The following RSL24D1 variants were observed in gnomAD, a reference collection of about 807,000 sequenced individuals.
The protein encoded by RSL24D1 is probable ribosome biogenesis protein RLP24.
In RSL24D1, 6 loss-of-function variants were observed where a neutral mutation model predicts 26.2. The observed-to-expected ratio is 0.23, with a 90% CI of 0.13 to 0.45. RSL24D1 has a LOEUF of 0.45. Among genes scored for constraint, RSL24D1 ranks in the 20% least tolerant of loss-of-function variants. The pLI is 0.99. For missense variants in RSL24D1, 176 were observed against 202.6 expected (o/e 0.87, Z 0.80); for synonymous variants, 61 against 59.1 (o/e 1.03, Z -0.15).
intron 5 of RSL24D1, 118 bp downstream of exon 5, chr15:55,183,197 G>C: frequency 2.9e-6 from 2 of 684,102 alleles, no homozygotes; most frequent in Non-Finnish European, 2.4e-6. Flanking sequence ...ATTTTTATAG[G>C]CCAAATCATA....
Position 55,182,125 on chromosome 15 carries a change from A to G in RSL24D1, c.*27T>C. ...GTATCCAAAGGGCATTTTCAAATGT[A>G]CATAAAAGAAATGGTTACAGAGATT... On this transcript the variant is annotated 3_prime_UTR_variant, in exon 6 of 6. Coordinates refer to ENST00000260443, the MANE Select transcript of RSL24D1 (RefSeq NM_016304.3). 2 of 1,402,398 alleles carry G rather than the reference A, an allele frequency of 1.4e-6. No homozygotes were observed. The highest frequency in any genetic ancestry group is 2.3e-5 in the South Asian group (2 of 85,168). The allele number at this position is 1,402,398 out of a possible 1,614,324, so 86.9% of individuals were successfully genotyped here.
At chr15:55,194,355 T>A (rs1415660375) in intron 1 of RSL24D1, 1 of 152,198 alleles carries the variant, frequency 6.6e-6, no homozygotes, top group Non-Finnish European at 1.5e-5. Flanking sequence ...AAGATCAAGA[T>A]CTGACTAGGA....
At chr15:55,192,492 T>C in intron 2 of RSL24D1, 1 of 380,904 alleles carries the variant, frequency 2.6e-6, no homozygotes, top group Non-Finnish European at 4.7e-6. Context: ...TCCCAAGCCA[T>C]TTAAGTGATT....
chr15:55,192,775 C>T lies in RSL24D1; in HGVS notation c.140G>A (p.Arg47His), dbSNP rs1464589332. 8 of 1,613,672 alleles carry T rather than the reference C, an allele frequency of 5.0e-6. No individual in the cohort carries two copies. Among genetic ancestry groups the T allele is most frequent in the African/African-American group, 4.0e-5 (3 of 74,880 alleles). The part of the protein sequence containing the change: ...HKNFKKKRNP[R>H]KVRWTKAFRK... ...GAATGCTTTGGTCCACCTAACTTTG[C>T]GAGGATTGCGCTTCTTTTTAAAGTT... is the stretch of plus-strand genomic sequence containing the variant. The change falls in exon 2 of 6, where the codon CGC becomes CAC. Residue 47 changes from arginine to histidine, a missense_variant. By Grantham distance (29) the Arg-to-His change is conservative. This residue lies in a region of RSL24D1 where 89 missense variants were observed against 135.1 expected (regional missense o/e 0.66). Coordinates refer to ENST00000260443, the MANE Select transcript of RSL24D1 (RefSeq NM_016304.3).
chr15:55,192,600 T>C, intron 2 of RSL24D1, 120 bp downstream of exon 2: 2 of 620,974 alleles, frequency 3.2e-6, no homozygotes, highest in Non-Finnish European at 5.8e-6. Context: ...CAAATACAAA[T>C]AAGGTACTTA....
chr15:55,192,838 A>G lies in RSL24D1; in HGVS notation c.82-5T>C. 1 of 1,585,680 alleles carries G rather than the reference A, an allele frequency of 6.3e-7. No individual in the cohort carries two copies. Among genetic ancestry groups the G allele is most frequent in the African/African-American group, 1.3e-5 (1 of 74,340 alleles). ...AGATTTGCAAAATCTGAACACCTACAAGAAAAGTTAAAATATTGAGAAGTC... is the reference window on the plus strand; with the variant it reads ...AGATTTGCAAAATCTGAACACCTACGAGAAAAGTTAAAATATTGAGAAGTC... On this transcript the variant is annotated splice_polypyrimidine_tract_variant and splice_region_variant and intron_variant, in intron 1 of 5. Coordinates refer to ENST00000260443, the MANE Select transcript of RSL24D1 (RefSeq NM_016304.3).
chr15:55,184,080 T>G (rs1894198822), intron 4 of RSL24D1, among the ~76,000 whole-genome samples: 1 of 152,188 alleles, frequency 6.6e-6, no homozygotes, highest in Non-Finnish European at 1.5e-5. Context: ...TTTCAAACAT[T>G]TTTGTGAAAT....
intron 3 of RSL24D1, among the ~76,000 whole-genome samples, chr15:55,186,887 TAAAGGGAG>T (rs900113778): frequency 6.6e-6 from 1 of 151,790 alleles, no homozygotes; most frequent in Non-Finnish European, 1.5e-5. Context: ...AAATATACAC[TAAAGGGAG>T]AAAGGGAGAA....
intron 3 of RSL24D1, 33 bp from the exon 4 acceptor site, chr15:55,185,458 G>A (rs780276316): frequency 6.8e-7 from 1 of 1,480,358 alleles, no homozygotes; most frequent in Non-Finnish European, 9.3e-7. Context: ...GCAAATGTAT[G>A]CACATTCAAG....
At chr15:55,191,862 G>A (rs73407835) in intron 2 of RSL24D1, among the ~76,000 whole-genome samples, 2 of 152,192 alleles carry the variant, frequency 1.3e-5, no homozygotes, top group African/African-American at 4.8e-5. Flanking sequence ...AAATGACTGT[G>A]ACCGGCAGTG....
rs376758910 is a variant in RSL24D1 at position 55,183,307 on chromosome 15, G to C, written c.418+8C>G. 84 of 1,609,338 alleles carry C rather than the reference G, an allele frequency of 5.2e-5. No homozygotes were observed. The highest frequency in any genetic ancestry group is 6.3e-5 in the Non-Finnish European group (74 of 1,177,802). ...CACAAAAATCTAGATGTGCAATGTA[G>C]TACTCACCTGCAAGAGGGGCTCGGA... On this transcript the variant is annotated splice_region_variant and intron_variant, in intron 5 of 5. Transcript: ENST00000260443.
chr15:55,184,311 A>T (rs1164532905), intron 4 of RSL24D1, among the ~76,000 whole-genome samples: 4 of 152,216 alleles, frequency 2.6e-5, no homozygotes, highest in African/African-American at 9.7e-5. Context: ...GAACTCCCAC[A>T]GGCCAAATAT....
chr15:55,187,854 T>G (rs1353734120), intron 3 of RSL24D1, among the ~76,000 whole-genome samples: 1 of 151,662 alleles, frequency 6.6e-6, no homozygotes, highest in Non-Finnish European at 1.5e-5. Context: ...AATTAATCCA[T>G]GTAACCAAAA....
chr15:55,189,765 G>A (rs1425397494), intron 3 of RSL24D1, among the ~76,000 whole-genome samples: 2 of 152,170 alleles, frequency 1.3e-5, no homozygotes, highest in Non-Finnish European at 1.5e-5. Context: ...CAAATTTTCA[G>A]TTCTTCCCCT....
chr15:55,192,519 A>G, intron 2 of RSL24D1: 1 of 424,018 alleles, frequency 2.4e-6, no homozygotes, highest in Non-Finnish European at 4.3e-6. Flanking sequence ...TTGGTCTGCA[A>G]GAGCTAAAAA....
chr15:55,194,803 TACACAC>T (rs143219738), intron 1 of RSL24D1, among the ~76,000 whole-genome samples: 20,597 of 146,938 alleles, frequency 0.14, 2,905 homozygotes, highest in African/African-American at 0.37. Flanking sequence ...CCTCTGTCTC[TACACAC>T]ACACACACAC....
At chr15:55,196,176 T>A (rs1487869018) in intron 1 of RSL24D1, among the ~76,000 whole-genome samples, 1 of 152,198 alleles carries the variant, frequency 6.6e-6, no homozygotes, top group Non-Finnish European at 1.5e-5. Context: ...CTATCATCAT[T>A]TACAATCCAG....
chr15:55,190,453 A>C (rs1894284236), intron 3 of RSL24D1, among the ~76,000 whole-genome samples: 1 of 152,068 alleles, frequency 6.6e-6, no homozygotes, highest in African/African-American at 2.4e-5. Context: ...TTTTAATTTC[A>C]GAAGATTATA....
chr15:55,185,522 A>C, intron 3 of RSL24D1, 97 bp from the exon 4 acceptor site: 1 of 861,412 alleles, frequency 1.2e-6, no homozygotes, highest in East Asian at 2.8e-5. Flanking sequence ...CTGATTTAGA[A>C]ATGAATTTAC....
Sources: allele counts gnomAD v4.1 joint callset (sites outside exome capture counted in the v4.1 genomes callset), GRCh38; gene constraint gnomAD v4.1.1; regional missense constraint gnomAD v4.1.1; transcripts MANE v1.5; gene names NCBI Gene and HGNC (gene_info 2026-07-23, HGNC 2026-07-21).